Variants in CPB2 observed in about 807,000 individuals in gnomAD.
The protein encoded by CPB2 is carboxypeptidase B-like protein.
CPB2 carries 54 observed loss-of-function variants against 57.0 expected under a neutral mutation model. The observed-to-expected ratio is 0.95, with a 90% CI of 0.76 to 1.19. CPB2 has a LOEUF of 1.19. CPB2 is among the 50% of genes most tolerant of loss of function. The pLI, the probability that CPB2 is intolerant of heterozygous loss-of-function variation, is 0.00. For synonymous variants in CPB2, 189 were observed against 178.1 expected, an observed-to-expected ratio of 1.06 and a Z score of -0.49; for missense variants, 426 against 512.0, an observed-to-expected ratio of 0.83 and a Z score of 1.62.
intron 8 of CPB2, among the ~76,000 whole-genome samples, chr13:46,060,600 C>G (rs1400430060): frequency 2.0e-5 from 3 of 152,096 alleles, no homozygotes; most frequent in Non-Finnish European, 2.9e-5. Flanking sequence ...TTTTTTCATA[C>G]TAAGCCTTCA....
intron 8 of CPB2, among the ~76,000 whole-genome samples, chr13:46,061,263 T>C (rs545555097): frequency 6.6e-6 from 1 of 152,346 alleles, no homozygotes; most frequent in East Asian, 1.9e-4. Flanking sequence ...TAAAGAATTT[T>C]CCATTCAAGC....
rs1425701329 is a variant in CPB2 at position 46,053,338 on chromosome 13, G to A, written c.*276C>T. 2 of 292,630 alleles carry A rather than the reference G, an allele frequency of 6.8e-6. No individual in the cohort carries two copies. The highest frequency in any genetic ancestry group is 1.2e-4 in the East Asian group (2 of 16,322). 18.1% of individuals were successfully genotyped at this position (292,630 alleles called of 1,614,324 possible). A position where few individuals can be genotyped will look rare whatever the true frequency, so the allele number is the denominator to read the frequency against. ...ACTTGCTTGAGATGGCTAGTCAAAC[G>A]TCGAAACTTGCTTGAGATGGCTAGT... is the stretch of plus-strand genomic sequence containing the variant. On this transcript the variant is annotated 3_prime_UTR_variant, in exon 11 of 11. Transcript: ENST00000181383.
chr13:46,074,320 G>A (rs1213185300), intron 5 of CPB2, among the ~76,000 whole-genome samples: 5 of 152,216 alleles, frequency 3.3e-5, no homozygotes, highest in Non-Finnish European at 7.3e-5. Flanking sequence ...GTATCTTCAT[G>A]CTTCATTTAG....
Position 46,053,814 on chromosome 13 carries a change from A to C in CPB2, c.1088-16T>G. ...GGAGCTAGGTCTAAAAGAAGAAGAA[A>C]GAAATTGTTGAAATACAGACGTTTC... On this transcript the variant is annotated splice_polypyrimidine_tract_variant and intron_variant, in intron 10 of 10. Transcript: ENST00000181383. 6.2e-7 allele frequency: 1 copy of C among 1,605,722 alleles called. No homozygotes were observed. Among genetic ancestry groups the C allele is most frequent in the African/African-American group, 1.3e-5 (1 of 74,638 alleles).
intron 2 of CPB2, 46 bp from the exon 3 acceptor site, chr13:46,084,389 C>A (rs762665450): frequency 1.9e-6 from 3 of 1,606,430 alleles, no homozygotes; most frequent in Admixed American, 1.7e-5. Context: ...AAGAGTTGTT[C>A]ACATCATTCT....
chr13:46,069,195 C>G (rs1247338010), intron 6 of CPB2, among the ~76,000 whole-genome samples: 1 of 152,142 alleles, frequency 6.6e-6, no homozygotes, highest in Non-Finnish European at 1.5e-5. Context: ...ATTTCTTTAT[C>G]TAATAGGTAG....
At position 46,053,387 on chromosome 13, in the gene CPB2, A is replaced by G; in HGVS notation, c.*227T>C. The G allele has an allele frequency of 2.0e-6, 1 of 496,216 alleles. No homozygotes were observed. The highest frequency in any genetic ancestry group is 6.2e-5 in the South Asian group (1 of 16,194). The allele number at this position is 496,216 out of a possible 1,614,324, so 30.7% of individuals were successfully genotyped here. On this transcript the variant is annotated 3_prime_UTR_variant, in exon 11 of 11. Coordinates refer to ENST00000181383, the MANE Select transcript of CPB2 (RefSeq NM_001872.5). ...GTCAAACGTCGAAAATCAAAGAAAAAGTAGGTAACTAGACTTTTACAATTT... is the reference window on the plus strand; with the variant it reads ...GTCAAACGTCGAAAATCAAAGAAAAGGTAGGTAACTAGACTTTTACAATTT...
At chr13:46,101,663 C>G (rs919181665) in intron 1 of CPB2, among the ~76,000 whole-genome samples, 5 of 152,110 alleles carry the variant, frequency 3.3e-5, no homozygotes, top group African/African-American at 9.7e-5. Context: ...AACAGCCTTG[C>G]ACCAAAAATC....
chr13:46,081,837 T>C (rs2045122682), intron 4 of CPB2, among the ~76,000 whole-genome samples: 1 of 152,204 alleles, frequency 6.6e-6, no homozygotes, highest in Non-Finnish European at 1.5e-5. Context: ...TAGTGGATTA[T>C]GTGAAAGCTT....
intron 4 of CPB2, among the ~76,000 whole-genome samples, chr13:46,079,656 G>A (rs553844496): frequency 6.6e-6 from 1 of 152,164 alleles, no homozygotes; most frequent in East Asian, 1.9e-4. Flanking sequence ...GATTGAACTG[G>A]GTTATGTTTT....
intron 7 of CPB2, among the ~76,000 whole-genome samples, chr13:46,065,355 G>C (rs1023205645): frequency 1.3e-5 from 2 of 152,104 alleles, no homozygotes; most frequent in Non-Finnish European, 2.9e-5. Context: ...GGCCGGGCGC[G>C]GTGGCTCACG....
chr13:46,096,891 A>G (rs1173334022), intron 1 of CPB2, among the ~76,000 whole-genome samples: 1 of 152,218 alleles, frequency 6.6e-6, no homozygotes, highest in East Asian at 1.9e-4. Context: ...GTTGCATCTC[A>G]TCATACACCT....
chr13:46,063,464 T>C (rs1416184058), intron 8 of CPB2, among the ~76,000 whole-genome samples: 3 of 152,246 alleles, frequency 2.0e-5, no homozygotes, highest in Non-Finnish European at 4.4e-5. Flanking sequence ...GACAATGCCT[T>C]CCAGCTGCAT....
chr13:46,068,533 G>A (rs114885953), intron 6 of CPB2, among the ~76,000 whole-genome samples: 2,994 of 151,996 alleles, frequency 0.02, 40 homozygotes, highest in Middle Eastern at 0.1. Context: ...GCCATGTTTT[G>A]TTTTTTTGTT....
At position 46,053,200 on chromosome 13, in the gene CPB2, G is replaced by C. The variant is rs985740460; in HGVS notation, c.*414C>G. On this transcript the variant is annotated 3_prime_UTR_variant, in exon 11 of 11. Transcript: ENST00000181383. ...GGAATGCATGGTTGTATTTCTAAAG[G>C]CACAAGCAGAAATTTATTGAAAATT... 1 of 160,458 alleles carries C rather than the reference G, an allele frequency of 6.2e-6. No individual in the cohort carries two copies. The highest frequency in any genetic ancestry group is 2.4e-5 in the African/African-American group (1 of 41,618). 9.9% of individuals were successfully genotyped at this position (160,458 alleles called of 1,614,324 possible).
intron 4 of CPB2, among the ~76,000 whole-genome samples, chr13:46,081,659 G>C (rs753572647): frequency 9.9e-5 from 15 of 152,116 alleles, no homozygotes; most frequent in Non-Finnish European, 2.1e-4. Context: ...GTCCCTAATA[G>C]TTTCTGGGCA....
rs17844176 is a variant in CPB2, at chr13:46,093,569, G to T, written c.75-5749C>A. 5.5e-3 allele frequency among the ~76,000 whole-genome samples: 844 copies of T among 152,216 alleles called. 15 individuals carry two copies. Among genetic ancestry groups the T allele is most frequent in the African/African-American group, 0.019 (788 of 41,526 alleles). ...TTGATTTATAACAGTTAACTTGGGG[G>T]CTTTAAATGGCATATTAAGGGAGAA... On this transcript the variant is annotated intron_variant, in intron 1 of 10. Coordinates refer to ENST00000181383, the MANE Select transcript of CPB2 (RefSeq NM_001872.5).
intron 5 of CPB2, among the ~76,000 whole-genome samples, chr13:46,076,199 A>G (rs1020584015): frequency 1.3e-5 from 2 of 152,320 alleles, no homozygotes; most frequent in Middle Eastern, 3.4e-3. Flanking sequence ...GAAGGGAAAA[A>G]TCAAATTATC....
chr13:46,064,836 T>C (rs2044829254), intron 7 of CPB2, 95 bp from the exon 8 acceptor site: 1 of 891,598 alleles, frequency 1.1e-6, no homozygotes, highest in African/African-American at 1.6e-5. Flanking sequence ...CAGAATTGCC[T>C]TTCTCTCCTT....
Sources: gnomAD v4.1 joint callset for allele counts (sites outside exome capture counted in the v4.1 genomes callset) on GRCh38, gnomAD v4.1.1 for gene constraint, MANE v1.5 for transcripts, NCBI Gene and HGNC (gene_info 2026-07-23, HGNC 2026-07-21) for gene names.